The following NFATC3 variants were observed in gnomAD, a reference collection of about 807,000 sequenced individuals.
NFATC3 encodes the protein nuclear factor of activated T cells 3, also known as nuclear factor of activated T-cells, cytoplasmic 3.
In NFATC3, 46 loss-of-function variants were observed where a neutral mutation model predicts 98.6. The ratio of observed to expected loss-of-function variants is 0.47; its 90% CI spans 0.37 to 0.60. The LOEUF (loss-of-function observed/expected upper bound fraction) is 0.60, where lower values mean the gene tolerates loss of function less well. NFATC3 is among the 20% of genes least tolerant of loss of function. The pLI is 0.00. For synonymous variants in NFATC3, 512 were observed against 472.2 expected, an observed-to-expected ratio of 1.08 and a Z score of -1.09; for missense variants, 1,256 against 1,295.5, an observed-to-expected ratio of 0.97 and a Z score of 0.47.
chr16:68,210,591 T>G (rs1406775157), intron 9 of NFATC3, among the ~76,000 whole-genome samples: 8 of 152,174 alleles, frequency 5.3e-5, no homozygotes, highest in African/African-American at 1.9e-4. Context: ...GTCAGGAGTA[T>G]GTTTTTTTTT....
chr16:68,172,899 G>A (rs1368956866), intron 5 of NFATC3, among the ~76,000 whole-genome samples: 2 of 152,170 alleles, frequency 1.3e-5, no homozygotes. Context: ...TCCAGAAAAT[G>A]TAGCAACTTG....
chr16:68,223,861 CT>C (rs2041949614), intron 9 of NFATC3, among the ~76,000 whole-genome samples: 1 of 146,640 alleles, frequency 6.8e-6, no homozygotes, highest in African/African-American at 2.5e-5. Context: ...TGCCGCTGCA[CT>C]CTAGCCTCGG....
chr16:68,218,101 C>T, intron 9 of NFATC3: 1 of 935,404 alleles, frequency 1.1e-6, no homozygotes, highest in Non-Finnish European at 1.3e-6. Flanking sequence ...ACACTGTTGC[C>T]TAGGCTGGAG....
At chr16:68,088,560 G>T (rs983995299) in intron 1 of NFATC3, 1 of 148,354 alleles carries the variant, frequency 6.7e-6, no homozygotes, top group Non-Finnish European at 1.5e-5. Context: ...TTGAGGCAGG[G>T]TCTCGCCCTG....
At chr16:68,095,519 A>C (rs2034975368) in intron 1 of NFATC3, among the ~76,000 whole-genome samples, 1 of 151,766 alleles carries the variant, frequency 6.6e-6, no homozygotes, top group East Asian at 1.9e-4. Context: ...GTGCCTGGCT[A>C]ATTTTTGTAT....
At chr16:68,203,107 C>T (rs192554197) in intron 9 of NFATC3, among the ~76,000 whole-genome samples, 2 of 152,168 alleles carry the variant, frequency 1.3e-5, no homozygotes, top group Admixed American at 6.6e-5. Flanking sequence ...ATGGCTTATG[C>T]GAGATGGACC....
rs1319748841 is a variant in NFATC3, at chr16:68,113,865, GC to G, written c.104-8120del. Among the ~76,000 whole-genome samples the G allele has an allele frequency of 2.0e-5, 3 of 152,386 alleles. No individual in the cohort carries two copies. The East Asian group carries it at 5.8e-4, about 29-fold the overall frequency. On this transcript the variant is annotated intron_variant, in intron 1 of 9. Coordinates refer to ENST00000346183, the MANE Select transcript of NFATC3 (RefSeq NM_173165.3). ...AACAATCTGGCCACGATCTGCCACC[GC>G]CACTGTGTTGTGCTGTGGGGAATTC...
chr16:68,217,429 A>G lies in NFATC3; in HGVS notation c.3107-8921A>G, dbSNP rs559980909. On this transcript the variant is annotated intron_variant, in intron 9 of 9. Transcript: ENST00000346183. ...TTTCAAGATCATGCCACTGCACTCC[A>G]GCCTGGGCAACAGAGCAAGATCTAG... Among the ~76,000 whole-genome samples, 5 of 143,304 alleles carry G rather than the reference A, an allele frequency of 3.5e-5. No homozygotes were observed. The South Asian group carries it at 1.2e-3, about 33-fold the overall frequency. 94.0% of individuals were successfully genotyped at this position (143,304 alleles called of 152,430 possible).
intron 1 of NFATC3, among the ~76,000 whole-genome samples, chr16:68,115,210 G>A (rs562052553): frequency 6.7e-5 from 10 of 149,964 alleles, no homozygotes; most frequent in Admixed American, 6.6e-4. Flanking sequence ...GATTACAAGC[G>A]CCTGCCACTA....
At chr16:68,179,106 T>C (rs1408751449) in intron 6 of NFATC3, among the ~76,000 whole-genome samples, 1 of 152,172 alleles carries the variant, frequency 6.6e-6, no homozygotes, top group Admixed American at 6.5e-5. Context: ...GTCTCTTCTG[T>C]CTATAATTAC....
intron 5 of NFATC3, among the ~76,000 whole-genome samples, chr16:68,167,776 A>AT (rs1205536788): frequency 2.0e-5 from 2 of 101,646 alleles, no homozygotes; most frequent in African/African-American, 6.8e-5. Flanking sequence ...TCTGTTGATT[A>AT]TATAATGTTT....
chr16:68,227,615 G>C lies in NFATC3; in HGVS notation c.*1144G>C, dbSNP rs1279172367. The C allele has an allele frequency of 1.3e-5, 2 of 152,144 alleles. No homozygotes were observed. Among genetic ancestry groups the C allele is most frequent in the Non-Finnish European group, 2.9e-5 (2 of 68,034 alleles). The allele number at this position is 152,144 out of a possible 1,614,324, so 9.4% of individuals were successfully genotyped here. ...AAATGATTCTGGCCTACCCTGTCCT[G>C]TCTGTATGATCTAAAAACCAGCCTT... On this transcript the variant is annotated 3_prime_UTR_variant, in exon 10 of 10. Transcript: ENST00000346183.
Position 68,191,313 on chromosome 16 carries a change from A to G in NFATC3, c.2644A>G (p.Met882Val), listed in dbSNP as rs747362767. The change falls in exon 9 of 10, where the codon ATG becomes GTG. Residue 882 changes from methionine to valine, a missense_variant. By Grantham distance (21) the Met-to-Val change is conservative (BLOSUM62 1). Around this residue, in one of 3 missense-constraint regions of NFATC3, gnomAD observed 636 missense variants for 617.3 expected, o/e 1.03. Transcript: ENST00000346183. Reference sequence around the variant, plus strand: ...GCATACCCTGCCTCATCTGCAATCAATGGGATATCATTGTTCAAATACAGG... The same window carrying G: ...GCATACCCTGCCTCATCTGCAATCAGTGGGATATCATTGTTCAAATACAGG... ...SVHTLPHLQS[M>V]GYHCSNTGQR... is the part of the protein sequence containing the mutation. 18 of 1,614,016 alleles carry G rather than the reference A, an allele frequency of 1.1e-5. No homozygotes were observed. The highest frequency in any genetic ancestry group is 2.7e-5 in the African/African-American group (2 of 74,900).
chr16:68,181,297 G>A (rs1340697130), intron 6 of NFATC3, among the ~76,000 whole-genome samples, 178 bp from the exon 7 acceptor site: 1 of 152,134 alleles, frequency 6.6e-6, no homozygotes, highest in Non-Finnish European at 1.5e-5. Context: ...GGCAGCCCAA[G>A]ATCTTTCTCC....
chr16:68,161,600 C>T (rs899462910), intron 4 of NFATC3, among the ~76,000 whole-genome samples: 3 of 152,198 alleles, frequency 2.0e-5, no homozygotes, highest in Non-Finnish European at 2.9e-5. Context: ...CCGTACAACA[C>T]GTGGCCTATA....
At chr16:68,223,696 A>C (rs1159912647) in intron 9 of NFATC3, among the ~76,000 whole-genome samples, 2 of 151,864 alleles carry the variant, frequency 1.3e-5, no homozygotes, top group Non-Finnish European at 2.9e-5. Flanking sequence ...GGAGTTCAAG[A>C]CCAGCCTGGC....
At chr16:68,164,209 G>A (rs1401561501) in intron 4 of NFATC3, among the ~76,000 whole-genome samples, 4 of 152,214 alleles carry the variant, frequency 2.6e-5, no homozygotes, top group African/African-American at 7.2e-5. Flanking sequence ...AGACCAGCCC[G>A]GCCAACACAG....
At chr16:68,221,440 A>G in intron 9 of NFATC3, 4 of 1,385,822 alleles carry the variant, frequency 2.9e-6, no homozygotes, top group Admixed American at 3.0e-5. Flanking sequence ...ATTTATATTC[A>G]GTGCTCACCT....
At chr16:68,188,110 C>A (rs764052755) in intron 8 of NFATC3, among the ~76,000 whole-genome samples, 3 of 152,280 alleles carry the variant, frequency 2.0e-5, no homozygotes, top group Middle Eastern at 6.8e-3. Flanking sequence ...ATATACACAC[C>A]CGGCTGGGTT....
Sources: allele counts gnomAD v4.1 joint callset (sites outside exome capture counted in the v4.1 genomes callset), GRCh38; gene constraint gnomAD v4.1.1; regional missense constraint gnomAD v4.1.1; transcripts MANE v1.5; gene names NCBI Gene and HGNC (gene_info 2026-07-23, HGNC 2026-07-21).